NBEA: variants seen among roughly 807,000 people sequenced by gnomAD.
NBEA encodes the protein neurobeachin, also known as lysosomal-trafficking regulator 2.
A neutral mutation model predicts 343.4 loss-of-function variants in NBEA; 44 were observed. That is an observed-to-expected ratio of 0.13 (90% CI 0.10 to 0.16). The LOEUF is 0.16. NBEA is among the 10% of genes least tolerant of loss of function. The pLI is 1.00. For synonymous variants in NBEA, 1,175 were observed against 1,238.7 expected, an observed-to-expected ratio of 0.95 and a Z score of 1.08; for missense variants, 2,555 against 3,631.3, an observed-to-expected ratio of 0.70 and a Z score of 7.62.
At chr13:35,009,878 A>G (rs1165726274) in intron 1 of NBEA, among the ~76,000 whole-genome samples, 1 of 152,162 alleles carries the variant, frequency 6.6e-6, no homozygotes, top group East Asian at 1.9e-4. Flanking sequence ...GGTACAGACA[A>G]CCCAGTTTGC....
intron 49 of NBEA, 90 bp from the exon 50 acceptor site, chr13:35,645,779 C>A: frequency 1.6e-6 from 1 of 642,206 alleles, no homozygotes; most frequent in Non-Finnish European, 2.6e-6. Context: ...TGCTGATCAC[C>A]CTCTGAATTA....
At chr13:35,400,582 C>A (rs2042958983) in intron 38 of NBEA, among the ~76,000 whole-genome samples, 2 of 151,940 alleles carry the variant, frequency 1.3e-5, no homozygotes. Context: ...CTCATATTAT[C>A]CAAGATGATA....
chr13:35,338,937 T>C (rs187690928), intron 36 of NBEA, among the ~76,000 whole-genome samples: 40 of 152,110 alleles, frequency 2.6e-4, no homozygotes, highest in Middle Eastern at 3.4e-3. Flanking sequence ...TTTGACAAAA[T>C]TTAATACTGT....
At chr13:35,520,450 C>T (rs1475559735) in intron 41 of NBEA, among the ~76,000 whole-genome samples, 1 of 152,190 alleles carries the variant, frequency 6.6e-6, no homozygotes, top group Non-Finnish European at 1.5e-5. Context: ...CATTTCCTCT[C>T]ATTAGCACTG....
intron 39 of NBEA, among the ~76,000 whole-genome samples, chr13:35,449,882 T>A (rs2046218890): frequency 6.6e-6 from 1 of 152,142 alleles, no homozygotes; most frequent in Admixed American, 6.5e-5. Flanking sequence ...TCTAACAATC[T>A]ATTTATACAT....
chr13:35,567,142 A>G (rs1369943247), intron 45 of NBEA, 125 bp downstream of exon 45: 4 of 516,140 alleles, frequency 7.7e-6, no homozygotes, highest in African/African-American at 1.9e-5. Context: ...TGACTTACAT[A>G]GTCAGTTTCT....
intron 41 of NBEA, among the ~76,000 whole-genome samples, chr13:35,478,082 A>G (rs2075958415): frequency 6.6e-6 from 1 of 152,188 alleles, no homozygotes; most frequent in Non-Finnish European, 1.5e-5. Flanking sequence ...ATGTTTGTAG[A>G]CACTTTCAGA....
chr13:35,220,799 C>T lies in NBEA; in HGVS notation c.5648+9620C>T, dbSNP rs118095754. Among the ~76,000 whole-genome samples the T allele has an allele frequency of 3.8e-3, 576 of 152,218 alleles. 5 individuals are homozygous for T. The highest frequency in any genetic ancestry group is 7.5e-3 in the South Asian group (36 of 4,820). ...TGAAACTTCCTAGCCATTACCTCTT[C>T]AGGTATTGCTTCTGACCCATTTTAT... On this transcript the variant is annotated intron_variant, in intron 33 of 58. Transcript: ENST00000379939.
At chr13:35,155,933 C>T (rs2069141748) in intron 19 of NBEA, 78 bp downstream of exon 19, 1 of 1,502,560 alleles carries the variant, frequency 6.7e-7, no homozygotes, top group African/African-American at 1.4e-5. Flanking sequence ...CTTTTCCTAA[C>T]CCCTTAAATC....
At chr13:35,216,036 T>C (rs2074045494) in intron 33 of NBEA, among the ~76,000 whole-genome samples, 1 of 151,694 alleles carries the variant, frequency 6.6e-6, no homozygotes. Context: ...CCTAATGATG[T>C]TCCCTCTTTC....
In NBEA at chr13:35,551,031, A is replaced by G. The variant is rs956693620; in HGVS notation, c.6805A>G (p.Arg2269Gly). ...GACCAGCTATGGTCTGCCACAAGCC[A>G]GGTAATTATATCATATTACATATTA... Reference protein sequence around the residue: ...VGTSYGLPQARRISLATPRQL... With the variant: ...VGTSYGLPQAGRISLATPRQL... The change falls in exon 43 of 59, where the codon AGG becomes GGG. Residue 2269 changes from arginine to glycine, a missense_variant and splice_region_variant. Coordinates refer to ENST00000379939, the MANE Select transcript of NBEA (RefSeq NM_001385012.1). 6.4e-7 allele frequency: 1 copy of G among 1,555,528 alleles called. No homozygotes were observed. Among genetic ancestry groups the G allele is most frequent in the Non-Finnish European group, 8.8e-7 (1 of 1,130,620 alleles).
At chr13:35,064,180 A>G (rs954737095) in intron 8 of NBEA, among the ~76,000 whole-genome samples, 1 of 120,302 alleles carries the variant, frequency 8.3e-6, no homozygotes, top group African/African-American at 2.5e-5. Flanking sequence ...ATTTAAAGGT[A>G]AAGGACTGGA....
intron 38 of NBEA, among the ~76,000 whole-genome samples, chr13:35,397,268 G>A (rs1429363249): frequency 6.6e-6 from 1 of 152,090 alleles, no homozygotes; most frequent in Non-Finnish European, 1.5e-5. Context: ...TTCCCTGCAG[G>A]CTGTCTCTAC....
At chr13:35,215,263 A>G (rs1593782331) in intron 33 of NBEA, among the ~76,000 whole-genome samples, 1 of 151,700 alleles carries the variant, frequency 6.6e-6, no homozygotes, top group Non-Finnish European at 1.5e-5. Flanking sequence ...TGAGTATTCA[A>G]ACTTTTGAAA....
intron 41 of NBEA, among the ~76,000 whole-genome samples, chr13:35,535,622 G>C (rs1187852465): frequency 6.6e-6 from 1 of 152,040 alleles, no homozygotes; most frequent in Non-Finnish European, 1.5e-5. Flanking sequence ...CTCCCCACTT[G>C]ATACTTGCTG....
intron 30 of NBEA, among the ~76,000 whole-genome samples, chr13:35,195,164 T>C (rs2072488890): frequency 6.6e-6 from 1 of 152,118 alleles, no homozygotes; most frequent in Non-Finnish European, 1.5e-5. Context: ...TTAAGGAAAC[T>C]AATAGAGAAA....
At chr13:35,115,424 C>CTCA in intron 13 of NBEA, among the ~76,000 whole-genome samples, 1 of 152,170 alleles carries the variant, frequency 6.6e-6, no homozygotes, top group African/African-American at 2.4e-5. Flanking sequence ...TATTCTCATG[C>CTCA]GTGTTCACAC....
chr13:34,986,454 A>G (rs560311537), intron 1 of NBEA, among the ~76,000 whole-genome samples: 1 of 150,968 alleles, frequency 6.6e-6, no homozygotes, highest in African/African-American at 2.4e-5. Flanking sequence ...TTTACTTCCA[A>G]CCATGTGGTC....
intron 38 of NBEA, among the ~76,000 whole-genome samples, chr13:35,412,752 A>T (rs1024792285): frequency 6.6e-6 from 1 of 152,118 alleles, no homozygotes; most frequent in Non-Finnish European, 1.5e-5. Context: ...TCAATGTAGT[A>T]TTCTTAAGAT....
Sources: allele counts gnomAD v4.1 joint callset (sites outside exome capture counted in the v4.1 genomes callset), GRCh38; gene constraint gnomAD v4.1.1; transcripts MANE v1.5; gene names NCBI Gene and HGNC (gene_info 2026-07-23, HGNC 2026-07-21).